C14orf119: variants seen among roughly 807,000 people sequenced by gnomAD.
C14orf119 encodes chromosome 14 open reading frame 119, also known as uncharacterized protein C14orf119.
In C14orf119, 17 loss-of-function variants were observed where a neutral mutation model predicts 13.5. The observed-to-expected ratio is 1.26, with a 90% CI of 0.86 to 1.88. The LOEUF is 1.88. Among genes scored for constraint, C14orf119 ranks in the 40% most tolerant of loss-of-function variants. C14orf119 has a pLI of 0.00. For synonymous variants in C14orf119, 61 were observed against 61.9 expected (o/e 0.99, Z 0.07); for missense variants, 162 against 165.9 (o/e 0.98, Z 0.13).
Position 23,099,009 on chromosome 14 carries a change from A to T in C14orf119, c.*928A>T. 3.8e-6 allele frequency: 1 copy of T among 260,952 alleles called. No individual in the cohort carries two copies. Among genetic ancestry groups the T allele is most frequent in the Non-Finnish European group, 7.7e-6 (1 of 129,476 alleles). 16.2% of individuals were successfully genotyped at this position (260,952 alleles called of 1,614,324 possible). The stretch of plus-strand genomic sequence containing the variant: ...ATGTGATATTCTTGGAACTGGTAGC[A>T]GGTGTTCCTATTCTGTAAGTTTGCT... On this transcript the variant is annotated 3_prime_UTR_variant, in exon 2 of 2. Transcript: ENST00000319074.
Position 23,098,963 on chromosome 14 carries a change from G to A in C14orf119, c.*882G>A. 5.2e-6 allele frequency: 1 copy of A among 193,398 alleles called. No individual in the cohort carries two copies. Among genetic ancestry groups the A allele is most frequent in the East Asian group, 1.3e-4 (1 of 7,466 alleles). 12.0% of individuals were successfully genotyped at this position (193,398 alleles called of 1,614,324 possible). ...TTACAGGCATGAACCATCATACCTG[G>A]CCTTTTTCTAAGGCATATGTATGTG... On this transcript the variant is annotated 3_prime_UTR_variant, in exon 2 of 2. Coordinates refer to ENST00000319074, the MANE Select transcript of C14orf119 (RefSeq NM_017924.4).
intron 1 of C14orf119, among the ~76,000 whole-genome samples, chr14:23,097,325 A>G (rs1054106688): frequency 6.6e-6 from 1 of 152,146 alleles, no homozygotes; most frequent in Non-Finnish European, 1.5e-5. Flanking sequence ...TCTTTACCCA[A>G]CCTGGCACAT....
At chr14:23,097,282 G>T (rs980999150) in intron 1 of C14orf119, among the ~76,000 whole-genome samples, 6 of 152,222 alleles carry the variant, frequency 3.9e-5, no homozygotes, top group Admixed American at 3.9e-4. Flanking sequence ...TTTTGGAGAA[G>T]ATGTAATGGA....
At chr14:23,096,093 A>G (rs1423103671) in intron 1 of C14orf119, among the ~76,000 whole-genome samples, 3 of 152,260 alleles carry the variant, frequency 2.0e-5, no homozygotes, top group East Asian at 3.8e-4. Flanking sequence ...TTGATGCAGA[A>G]GAAACACAAA....
Position 23,098,126 on chromosome 14 carries a change from G to T in C14orf119, c.*45G>T. On this transcript the variant is annotated 3_prime_UTR_variant, in exon 2 of 2. Transcript: ENST00000319074. ...AGATAACCATAGCTGATGGAGCCAT[G>T]ACTCTCTACAATGATAACTCAATTC... The T allele has an allele frequency of 6.4e-7, 1 of 1,571,574 alleles. No homozygotes were observed. Among genetic ancestry groups the T allele is most frequent in the South Asian group, 1.2e-5 (1 of 86,116 alleles).
At position 23,099,817 on chromosome 14, in the gene C14orf119, C is replaced by G. The variant is rs56354304; in HGVS notation, c.*1736C>G. On this transcript the variant is annotated 3_prime_UTR_variant, in exon 2 of 2. Transcript: ENST00000319074. ...ACAGGAAATCATTAAGAGGGACTAT[C>G]GAACCTTAAAGTAGAAATAAGATCA... 37,755 of 193,888 alleles carry G rather than the reference C, an allele frequency of 0.19. 3,788 individuals are homozygous for G. Among genetic ancestry groups the G allele is most frequent in the South Asian group, 0.25 (1,259 of 5,048 alleles). The allele number at this position is 193,888 out of a possible 1,614,324, so 12.0% of individuals were successfully genotyped here.
In C14orf119 at chr14:23,100,406, T is replaced by C. The variant is rs1237993397; in HGVS notation, c.*2325T>C. On this transcript the variant is annotated 3_prime_UTR_variant, in exon 2 of 2. Coordinates refer to ENST00000319074, the MANE Select transcript of C14orf119 (RefSeq NM_017924.4). ...CTTTGTTCTCTGAAACGCAACCCTGTCTAGGACAATATACACGTGAGTGAG... is the reference window on the plus strand; with the variant it reads ...CTTTGTTCTCTGAAACGCAACCCTGCCTAGGACAATATACACGTGAGTGAG... 18 of 412,340 alleles carry C rather than the reference T, an allele frequency of 4.4e-5. No homozygotes were observed. The highest frequency in any genetic ancestry group is 7.5e-5 in the Non-Finnish European group (17 of 226,046). 25.5% of individuals were successfully genotyped at this position (412,340 alleles called of 1,614,324 possible).
rs542168621 is a variant in C14orf119 at position 23,098,199 on chromosome 14, G to C, written c.*118G>C. On this transcript the variant is annotated 3_prime_UTR_variant, in exon 2 of 2. Coordinates refer to ENST00000319074, the MANE Select transcript of C14orf119 (RefSeq NM_017924.4). ...GAACTGGTATTCCAACCAGCTGACC[G>C]AACTCACTGACCAGTACAGGCATGG... 1.9e-6 allele frequency: 2 copies of C among 1,056,678 alleles called. No individual in the cohort carries two copies. Among genetic ancestry groups the C allele is most frequent in the African/African-American group, 3.2e-5 (2 of 62,814 alleles). The allele number at this position is 1,056,678 out of a possible 1,614,324, so 65.5% of individuals were successfully genotyped here.
chr14:23,100,369 C>T lies in C14orf119; in HGVS notation c.*2288C>T, dbSNP rs1043839363. 1.5e-5 allele frequency: 6 copies of T among 411,572 alleles called. No homozygotes were observed. The highest frequency in any genetic ancestry group is 2.2e-5 in the Non-Finnish European group (5 of 225,622). The allele number at this position is 411,572 out of a possible 1,614,324, so 25.5% of individuals were successfully genotyped here. On this transcript the variant is annotated 3_prime_UTR_variant, in exon 2 of 2. Transcript: ENST00000319074. The stretch of plus-strand genomic sequence containing the variant: ...TCAGGTAGTGACGGGACTGGATGAT[C>T]GTGTTAGGGATCTTTGTTCTCTGAA...
At chr14:23,096,394 C>T (rs2331832) in intron 1 of C14orf119, among the ~76,000 whole-genome samples, 19,757 of 151,374 alleles carry the variant, frequency 0.13, 1,424 homozygotes, top group South Asian at 0.21. Flanking sequence ...TGGCGTACGC[C>T]TATAGTCCCA....
intron 1 of C14orf119, among the ~76,000 whole-genome samples, chr14:23,096,449 G>A (rs2048373383): frequency 2.3e-5 from 3 of 130,756 alleles, no homozygotes; most frequent in South Asian, 4.9e-4. Context: ...AACCCAGGAA[G>A]CAGTGGTTGA....
Position 23,098,271 on chromosome 14 carries a change from G to A in C14orf119, c.*190G>A, listed in dbSNP as rs1027069685. ...GTCAACTGGACTCCTATTTGTAAAT[G>A]TTATCAATCTAAGCAATCCAGCTCA... On this transcript the variant is annotated 3_prime_UTR_variant, in exon 2 of 2. Transcript: ENST00000319074. The A allele has an allele frequency of 6.5e-6, 4 of 618,672 alleles. No homozygotes were observed. The highest frequency in any genetic ancestry group is 4.4e-4 in the Middle Eastern group (1 of 2,268). The allele number at this position is 618,672 out of a possible 1,614,324, so 38.3% of individuals were successfully genotyped here.
rs1263599233 is a variant in C14orf119, at chr14:23,098,279, T to G, written c.*198T>G. On this transcript the variant is annotated 3_prime_UTR_variant, in exon 2 of 2. Transcript: ENST00000319074. ...GACTCCTATTTGTAAATGTTATCAA[T>G]CTAAGCAATCCAGCTCATCAGTCTA... is the stretch of plus-strand genomic sequence containing the variant. 1.7e-6 allele frequency: 1 copy of G among 603,082 alleles called. No individual in the cohort carries two copies. Among genetic ancestry groups the G allele is most frequent in the Non-Finnish European group, 3.0e-6 (1 of 335,792 alleles). 37.4% of individuals were successfully genotyped at this position (603,082 alleles called of 1,614,324 possible). A position where few individuals can be genotyped will look rare whatever the true frequency, so the allele number is the denominator to read the frequency against.
rs1174965831 is a variant in C14orf119 at position 23,098,042 on chromosome 14, GT to G, written c.388del (p.Tyr130ThrfsTer20). ...EFSEPDFVAKFYQAVAATAGK... is the reference protein window; with the variant it reads ...EFSEPDFVAKXYQAVAATAGK... ...TCAGTGAGCCAGACTTCGTGGCAAA[GT>G]TTTACCAAGCAGTGGCTGCTACAGC... On this transcript the variant is annotated frameshift_variant, in exon 2 of 2. Transcript: ENST00000319074. LOFTEE classifies it high-confidence loss of function. The G allele has an allele frequency of 1.9e-6, 3 of 1,614,110 alleles. No homozygotes were observed. The highest frequency in any genetic ancestry group is 2.5e-6 in the Non-Finnish European group (3 of 1,180,026).
At chr14:23,096,977 C>G (rs999883914) in intron 1 of C14orf119, among the ~76,000 whole-genome samples, 5 of 152,166 alleles carry the variant, frequency 3.3e-5, no homozygotes, top group Non-Finnish European at 7.4e-5. Context: ...ACCAACTGGA[C>G]TCTTTTTTAA....
Position 23,098,812 on chromosome 14 carries a change from C to A in C14orf119, c.*731C>A, listed in dbSNP as rs1382155743. On this transcript the variant is annotated 3_prime_UTR_variant, in exon 2 of 2. Transcript: ENST00000319074. ...GAGTATCTAGGACTACAGGCCCGCA[C>A]AACAATATCTGGCTAATTTTTAAAT... 6.2e-6 allele frequency: 1 copy of A among 160,908 alleles called. No individual in the cohort carries two copies. The highest frequency in any genetic ancestry group is 1.5e-5 in the Non-Finnish European group (1 of 68,126). 10.0% of individuals were successfully genotyped at this position (160,908 alleles called of 1,614,324 possible).
Position 23,099,526 on chromosome 14 carries a change from T to A in C14orf119, c.*1445T>A. ...GAAGGTAATATTTGGCATGGAATAA[T>A]GCCTAGCCTTAGTAGATAAAGCGGC... On this transcript the variant is annotated 3_prime_UTR_variant, in exon 2 of 2. Transcript: ENST00000319074. 2.4e-6 allele frequency: 1 copy of A among 411,256 alleles called. No homozygotes were observed. Among genetic ancestry groups the A allele is most frequent in the Non-Finnish European group, 4.4e-6 (1 of 225,434 alleles). 25.5% of individuals were successfully genotyped at this position (411,256 alleles called of 1,614,324 possible). A position where few individuals can be genotyped will look rare whatever the true frequency, so the allele number is the denominator to read the frequency against.
chr14:23,098,651 C>T lies in C14orf119; in HGVS notation c.*570C>T, dbSNP rs183176351. ...TCCTTCACACTGTTTGAATCGAACT[C>T]GCGGTGACTTTTTTTTTTTTTTAAA... On this transcript the variant is annotated 3_prime_UTR_variant, in exon 2 of 2. Coordinates refer to ENST00000319074, the MANE Select transcript of C14orf119 (RefSeq NM_017924.4). 2 of 166,672 alleles carry T rather than the reference C, an allele frequency of 1.2e-5. No individual in the cohort carries two copies. Among genetic ancestry groups the T allele is most frequent in the South Asian group, 2.1e-4 (1 of 4,846 alleles). 10.3% of individuals were successfully genotyped at this position (166,672 alleles called of 1,614,324 possible). A position where few individuals can be genotyped will look rare whatever the true frequency, so the allele number is the denominator to read the frequency against.
In C14orf119 at chr14:23,099,257, A is replaced by T; in HGVS notation, c.*1176A>T. ...CTCACAAGAAATTATTCTCTTCCTTACCCCCTGTCATGTTCTGGGCAACAT... is the reference window on the plus strand; with the variant it reads ...CTCACAAGAAATTATTCTCTTCCTTTCCCCCTGTCATGTTCTGGGCAACAT... On this transcript the variant is annotated 3_prime_UTR_variant, in exon 2 of 2. Coordinates refer to ENST00000319074, the MANE Select transcript of C14orf119 (RefSeq NM_017924.4). The T allele has an allele frequency of 4.8e-6, 2 of 413,398 alleles. No individual in the cohort carries two copies. The highest frequency in any genetic ancestry group is 4.4e-6 in the Non-Finnish European group (1 of 226,116). The allele number at this position is 413,398 out of a possible 1,614,324, so 25.6% of individuals were successfully genotyped here. A position where few individuals can be genotyped will look rare whatever the true frequency, so the allele number is the denominator to read the frequency against.
Sources: gnomAD v4.1 joint callset for allele counts (sites outside exome capture counted in the v4.1 genomes callset) on GRCh38, gnomAD v4.1.1 for gene constraint, MANE v1.5 for transcripts, NCBI Gene and HGNC (gene_info 2026-07-23, HGNC 2026-07-21) for gene names.